The following LHFPL1 variants were observed in gnomAD, a reference collection of about 807,000 sequenced individuals.
LHFPL1 encodes the protein LHFPL tetraspan subfamily member 1 protein.
LHFPL1 carries 4 observed loss-of-function variants against 12.1 expected under a neutral mutation model. The observed-to-expected ratio is 0.33, with a 90% confidence interval of 0.16 to 0.76. The LOEUF (loss-of-function observed/expected upper bound fraction) is 0.76, where lower values mean the gene tolerates loss of function less well. Ranked by LOEUF, LHFPL1 falls within the 30% of genes least tolerant of loss-of-function variation. LHFPL1 has a pLI of 0.61. For missense variants in LHFPL1, 141 were observed against 174.1 expected, an observed-to-expected ratio of 0.81 and a Z score of 1.07; for synonymous variants, 52 against 61.9, an observed-to-expected ratio of 0.84 and a Z score of 0.75.
intron 2 of LHFPL1, 92 bp downstream of exon 2, chrX:112,670,917 G>A: frequency 1.0e-6 from 1 of 954,899 alleles, no homozygotes; most frequent in Non-Finnish European, 1.4e-6. Flanking sequence ...AAGTGAAGGG[G>A]GTGAGAATGG....
intron 3 of LHFPL1, among the ~76,000 whole-genome samples, chrX:112,658,922 C>T (rs1363666162): frequency 9.0e-6 from 1 of 111,642 alleles, no homozygotes; most frequent in Non-Finnish European, 1.9e-5. Flanking sequence ...TACATTTATA[C>T]CATGGAATAT....
intron 3 of LHFPL1, among the ~76,000 whole-genome samples, chrX:112,658,772 G>A (rs745894124): frequency 8.3e-4 from 93 of 111,500 alleles, no homozygotes; most frequent in Middle Eastern, 9.6e-3. Context: ...GCAATTTTGA[G>A]ATATATACCC....
At chrX:112,666,553 G>C (rs757295682) in intron 2 of LHFPL1, among the ~76,000 whole-genome samples, 1 of 111,860 alleles carries the variant, frequency 8.9e-6, no homozygotes, top group East Asian at 2.8e-4. Flanking sequence ...AATCATGATA[G>C]TGAATGATAA....
Position 112,631,263 on chromosome X carries a change from C to T in LHFPL1, c.*157G>A, listed in dbSNP as rs1434363002. On this transcript the variant is annotated 3_prime_UTR_variant, in exon 4 of 4. Coordinates refer to ENST00000371968, the MANE Select transcript of LHFPL1 (RefSeq NM_178175.4). ...TTATAAACAGCCAGTGACCTACTGG[C>T]TTAAAGATAAGTGAAAATGAACGAC... 5 of 423,263 alleles carry T rather than the reference C, an allele frequency of 1.2e-5. No homozygotes were observed. Among genetic ancestry groups the T allele is most frequent in the Non-Finnish European group, 2.0e-5 (5 of 253,365 alleles). 34.9% of individuals were successfully genotyped at this position (423,263 alleles called of 1,213,427 possible).
At chrX:112,667,387 T>C (rs1931366325) in intron 2 of LHFPL1, among the ~76,000 whole-genome samples, 1 of 111,896 alleles carries the variant, frequency 8.9e-6, no homozygotes, top group African/African-American at 3.3e-5. Context: ...ACACCTGTTG[T>C]TGTGTACATC....
chrX:112,663,340 C>G (rs766197552), intron 2 of LHFPL1, among the ~76,000 whole-genome samples: 1 of 111,993 alleles, frequency 8.9e-6, no homozygotes, highest in Admixed American at 9.5e-5. Context: ...ATCTTCAATT[C>G]TGTGTCCTTG....
intron 3 of LHFPL1, among the ~76,000 whole-genome samples, chrX:112,641,648 C>T (rs1930512242): frequency 8.9e-6 from 1 of 112,287 alleles, no homozygotes; most frequent in African/African-American, 3.2e-5. Context: ...TAGCACCATG[C>T]CTAGAATAAT....
rs1177424650 is a variant in LHFPL1, at chrX:112,675,048, G to A, written c.-14-3644C>T. Among the ~76,000 whole-genome samples the A allele has an allele frequency of 1.8e-5, 2 of 111,611 alleles. 1 individual carries two copies. The highest frequency in any genetic ancestry group is 1.9e-4 in the Admixed American group (2 of 10,508). ...GAAAACTGAACATCATATTTCTCAC[G>A]GATATGTGGGAGCTAAGCTATGAGG... is the stretch of plus-strand genomic sequence containing the variant. On this transcript the variant is annotated intron_variant, in intron 1 of 3. Coordinates refer to ENST00000371968, the MANE Select transcript of LHFPL1 (RefSeq NM_178175.4).
At chrX:112,662,146 C>T (rs1300887677) in intron 2 of LHFPL1, among the ~76,000 whole-genome samples, 1 of 112,493 alleles carries the variant, frequency 8.9e-6, no homozygotes, top group Non-Finnish European at 1.9e-5. Flanking sequence ...CCAAAAGAGC[C>T]TAATTACAAT....
chrX:112,659,328 C>T (rs1452802854), intron 3 of LHFPL1, among the ~76,000 whole-genome samples: 2 of 110,979 alleles, frequency 1.8e-5, no homozygotes, highest in Non-Finnish European at 3.8e-5. Flanking sequence ...GGCGTAGTGG[C>T]GCGAGCCTGT....
intron 3 of LHFPL1, among the ~76,000 whole-genome samples, chrX:112,658,055 T>A (rs1295436552): frequency 9.0e-6 from 1 of 111,614 alleles, no homozygotes; most frequent in Non-Finnish European, 1.9e-5. Context: ...AAAAAGGGTC[T>A]TGTATCCAGA....
chrX:112,643,815 C>T (rs1185851209), intron 3 of LHFPL1, among the ~76,000 whole-genome samples: 1 of 111,732 alleles, frequency 8.9e-6, no homozygotes, highest in Non-Finnish European at 1.9e-5. Context: ...TTGTTCGTTC[C>T]ATTCAGTGCA....
intron 2 of LHFPL1, among the ~76,000 whole-genome samples, chrX:112,667,008 A>G (rs1931355532): frequency 8.9e-6 from 1 of 112,168 alleles, no homozygotes; most frequent in South Asian, 3.7e-4. Context: ...CTTGAATACC[A>G]CTTCCCAAAC....
chrX:112,671,574 G>A, intron 1 of LHFPL1, 170 bp from the exon 2 acceptor site: 8 of 1,070,911 alleles, frequency 7.5e-6, no homozygotes, highest in Non-Finnish European at 4.9e-6. Flanking sequence ...TTGGATCCCT[G>A]TGGGATTTTG....
intron 1 of LHFPL1, among the ~76,000 whole-genome samples, chrX:112,674,647 A>T (rs1015585093): frequency 8.9e-5 from 10 of 112,244 alleles, no homozygotes; most frequent in Non-Finnish European, 1.3e-4. Context: ...GACAATTATT[A>T]AAAAAGATAT....
intron 3 of LHFPL1, among the ~76,000 whole-genome samples, chrX:112,652,866 T>A (rs1455016147): frequency 8.9e-6 from 1 of 112,110 alleles, no homozygotes; most frequent in African/African-American, 3.2e-5. Context: ...AGTATGGTAA[T>A]GAATTTAACG....
At chrX:112,675,795 G>A (rs1305542802) in intron 1 of LHFPL1, among the ~76,000 whole-genome samples, 1 of 111,945 alleles carries the variant, frequency 8.9e-6, no homozygotes, top group East Asian at 2.8e-4. Flanking sequence ...TGGACAGCAG[G>A]TTAAGAATCA....
At chrX:112,672,609 T>G (rs1323577) in intron 1 of LHFPL1, among the ~76,000 whole-genome samples, 25,506 of 110,373 alleles carry the variant, frequency 0.23, 4,724 homozygotes, top group African/African-American at 0.63. Context: ...TGTAGAGGAC[T>G]GGGAAGGAGG....
At chrX:112,672,645 G>T (rs913480739) in intron 1 of LHFPL1, among the ~76,000 whole-genome samples, 2 of 111,224 alleles carry the variant, frequency 1.8e-5, no homozygotes, top group South Asian at 7.6e-4. Context: ...CAGGGGAAGC[G>T]CAGGAACTGG....
Sources: allele counts gnomAD v4.1 joint callset (sites outside exome capture counted in the v4.1 genomes callset), GRCh38; gene constraint gnomAD v4.1.1; transcripts MANE v1.5; gene names NCBI Gene and HGNC (gene_info 2026-07-23, HGNC 2026-07-21).